GRID2: variants seen among roughly 807,000 people sequenced by gnomAD.
GRID2 encodes the protein glutamate receptor ionotropic, delta-2.
Under a neutral mutation model 114.8 loss-of-function variants are expected in GRID2, and 33 were observed. That is an observed-to-expected ratio of 0.29 (90% confidence interval 0.22 to 0.38). The LOEUF (loss-of-function observed/expected upper bound fraction) is 0.38, where lower values mean the gene tolerates loss of function less well. GRID2 is among the 10% of genes least tolerant of loss of function. The probability of loss-of-function intolerance (pLI) is 1.00; values close to 1 mark genes in which losing one functional copy is unlikely to be tolerated. For missense variants in GRID2, 1,184 were observed against 1,257.7 expected (o/e 0.94, Z 0.89); for synonymous variants, 505 against 449.9 (o/e 1.12, Z -1.55).
chr4:93,474,578 C>T (rs1725145320), intron 11 of GRID2, among the ~76,000 whole-genome samples: 1 of 152,036 alleles, frequency 6.6e-6, no homozygotes. Flanking sequence ...CCTATTTATT[C>T]TAGTCATTGA....
At chr4:92,787,490 G>A (rs1359828641) in intron 2 of GRID2, among the ~76,000 whole-genome samples, 3 of 151,870 alleles carry the variant, frequency 2.0e-5, no homozygotes, top group African/African-American at 7.2e-5. Context: ...GACAAGTTCA[G>A]GAGGGGACAG....
intron 1 of GRID2, among the ~76,000 whole-genome samples, chr4:93,788,195 G>C (rs1214331087): frequency 6.6e-6 from 1 of 152,000 alleles, no homozygotes; most frequent in African/African-American, 2.4e-5. Flanking sequence ...GCAGGCACCT[G>C]TAATCCCAGC....
intron 13 of GRID2, among the ~76,000 whole-genome samples, chr4:93,538,136 C>A (rs1732286174): frequency 6.6e-6 from 1 of 151,522 alleles, no homozygotes; most frequent in African/African-American, 2.4e-5. Context: ...TAAAAAGTAC[C>A]AGGAATCCTT....
At chr4:93,480,341 C>T (rs926900455) in intron 11 of GRID2, among the ~76,000 whole-genome samples, 19 of 152,044 alleles carry the variant, frequency 1.2e-4, no homozygotes, top group Non-Finnish European at 2.2e-4. Context: ...TGAATATATA[C>T]ACTGGGTTAG....
At chr4:93,493,475 G>A (rs1240610028) in intron 12 of GRID2, among the ~76,000 whole-genome samples, 1 of 151,790 alleles carries the variant, frequency 6.6e-6, no homozygotes, top group Non-Finnish European at 1.5e-5. Context: ...CTCAATAAGT[G>A]TCAGAGTTGA....
At chr4:92,444,092 C>G (rs1733297215) in intron 1 of GRID2, among the ~76,000 whole-genome samples, 1 of 152,140 alleles carries the variant, frequency 6.6e-6, no homozygotes, top group South Asian at 2.1e-4. Flanking sequence ...TTGGGCTGGT[C>G]AGTCTGAGGA....
At chr4:93,457,373 A>T (rs1198149303) in intron 11 of GRID2, among the ~76,000 whole-genome samples, 3 of 152,020 alleles carry the variant, frequency 2.0e-5, no homozygotes, top group African/African-American at 7.2e-5. Flanking sequence ...GAAGTGAGAG[A>T]GAAATTAAGA....
intron 4 of GRID2, among the ~76,000 whole-genome samples, chr4:93,115,315 G>C (rs1293154463): frequency 6.6e-6 from 1 of 151,072 alleles, no homozygotes; most frequent in South Asian, 2.1e-4. Context: ...GTTCAACAAG[G>C]TAATATCCTG....
intron 4 of GRID2, among the ~76,000 whole-genome samples, chr4:93,140,034 T>G (rs979341801): frequency 4.6e-5 from 7 of 152,006 alleles, no homozygotes; most frequent in Non-Finnish European, 7.4e-5. Context: ...AATAGATATA[T>G]GCAAACAAAA....
chr4:93,069,748 A>T (rs752398225), intron 2 of GRID2, among the ~76,000 whole-genome samples: 1 of 152,090 alleles, frequency 6.6e-6, no homozygotes, highest in Non-Finnish European at 1.5e-5. Flanking sequence ...ACTGCCTTTA[A>T]TGCCTGAAGA....
chr4:93,690,098 C>A (rs923079904), intron 14 of GRID2, among the ~76,000 whole-genome samples: 2 of 151,804 alleles, frequency 1.3e-5, no homozygotes, highest in Non-Finnish European at 2.9e-5. Flanking sequence ...ATTTGCAAAT[C>A]TTTTAAAATC....
chr4:93,536,485 A>G (rs1269849849), intron 13 of GRID2, among the ~76,000 whole-genome samples: 1 of 151,862 alleles, frequency 6.6e-6, no homozygotes, highest in Non-Finnish European at 1.5e-5. Context: ...TGTTAGGAGA[A>G]CTGGATATCC....
intron 1 of GRID2, among the ~76,000 whole-genome samples, chr4:92,353,659 C>A (rs149374602): frequency 1.1e-4 from 17 of 152,106 alleles, no homozygotes; most frequent in African/African-American, 3.6e-4. Flanking sequence ...AACAAATAAA[C>A]ACACAAATAG....
At chr4:92,694,506 A>G (rs1057084579) in intron 2 of GRID2, among the ~76,000 whole-genome samples, 8 of 152,150 alleles carry the variant, frequency 5.3e-5, no homozygotes, top group African/African-American at 1.9e-4. Context: ...TGTGTCCTCA[A>G]CCCTATAATT....
At chr4:93,604,221 T>C (rs1227169268) in intron 13 of GRID2, among the ~76,000 whole-genome samples, 2 of 152,188 alleles carry the variant, frequency 1.3e-5, no homozygotes, top group Non-Finnish European at 2.9e-5. Context: ...TTAGTAGGAA[T>C]TTGGAGGAAG....
chr4:92,508,625 A>G (rs1416070793), intron 1 of GRID2, among the ~76,000 whole-genome samples: 2 of 151,828 alleles, frequency 1.3e-5, no homozygotes, highest in African/African-American at 4.8e-5. Flanking sequence ...ATGTTGTAGG[A>G]ATGGCAAGAA....
intron 2 of GRID2, among the ~76,000 whole-genome samples, chr4:93,011,174 T>C (rs1187107035): frequency 6.6e-6 from 1 of 151,972 alleles, no homozygotes; most frequent in East Asian, 1.9e-4. Flanking sequence ...TTTTTTTAAT[T>C]ACTTTTGGAA....
At chr4:93,462,607 C>T (rs1416350285) in intron 11 of GRID2, among the ~76,000 whole-genome samples, 2 of 152,066 alleles carry the variant, frequency 1.3e-5, no homozygotes, top group Non-Finnish European at 2.9e-5. Context: ...TTCTCATATC[C>T]ACAAAAAGAA....
At chr4:92,352,551 T>C (rs1427737598) in intron 1 of GRID2, among the ~76,000 whole-genome samples, 1 of 151,912 alleles carries the variant, frequency 6.6e-6, no homozygotes. Context: ...TTTGCTTTCA[T>C]TGCCAACACA....
Sources: allele counts gnomAD v4.1 joint callset (sites outside exome capture counted in the v4.1 genomes callset), GRCh38; gene constraint gnomAD v4.1.1; transcripts MANE v1.5; gene names NCBI Gene and HGNC (gene_info 2026-07-23, HGNC 2026-07-21).